TENM2: variants seen among roughly 807,000 people sequenced by gnomAD.
TENM2 encodes teneurin-2.
Under a neutral mutation model 245.2 loss-of-function variants are expected in TENM2, and 52 were observed. The ratio of observed to expected loss-of-function variants is 0.21; its 90% CI spans 0.17 to 0.27. The LOEUF (loss-of-function observed/expected upper bound fraction) is 0.27. TENM2 is among the 10% of genes least tolerant of loss of function. The probability of loss-of-function intolerance (pLI) is 1.00; values close to 1 mark genes in which losing one functional copy is unlikely to be tolerated. For missense variants in TENM2, 3,046 were observed against 3,666.8 expected (o/e 0.83, Z 4.37); for synonymous variants, 1,363 against 1,438.9 (o/e 0.95, Z 1.19).
At chr5:167,234,500 C>G in the TENM2 span, among the ~76,000 whole-genome samples, 1 of 152,164 alleles carries the variant, frequency 6.6e-6, no homozygotes, top group Non-Finnish European at 1.5e-5. Flanking sequence ...GAACCACATA[C>G]TATTTTGAAG....
At chr5:167,149,560 G>A in the TENM2 span, among the ~76,000 whole-genome samples, 1 of 151,912 alleles carries the variant, frequency 6.6e-6, no homozygotes, top group Non-Finnish European at 1.5e-5. Flanking sequence ...TAATACTCTA[G>A]CAACACAGAC....
intron 2 of TENM2, among the ~76,000 whole-genome samples, chr5:167,791,423 A>AATATATTAT (rs1561785286): frequency 7.3e-6 from 1 of 137,320 alleles, no homozygotes; most frequent in East Asian, 2.1e-4. Flanking sequence ...TGAAATATAT[A>AATATATTAT]ATATATTATA....
the TENM2 span, among the ~76,000 whole-genome samples, chr5:167,160,434 G>A: frequency 1.3e-5 from 2 of 152,210 alleles, no homozygotes; most frequent in Non-Finnish European, 2.9e-5. Flanking sequence ...CTTCCAACAA[G>A]ATGAAGGAAG....
At chr5:167,461,375 A>G (rs1766279664) in intron 2 of TENM2, among the ~76,000 whole-genome samples, 2 of 152,132 alleles carry the variant, frequency 1.3e-5, no homozygotes, top group Admixed American at 1.3e-4. Context: ...TCCATGTACT[A>G]GATGGCCTCA....
intron 1 of TENM2, among the ~76,000 whole-genome samples, chr5:167,329,019 T>C (rs1474919978): frequency 6.6e-6 from 1 of 152,172 alleles, no homozygotes; most frequent in Non-Finnish European, 1.5e-5. Flanking sequence ...TGACAATAGT[T>C]GGAGAAAGGA....
chr5:167,815,755 G>T lies in TENM2; in HGVS notation c.503-60231G>T, dbSNP rs114972252. ...TCTTGGAAAAGGGTGGGAGAGTCAG[G>T]GGGATGGTTCATGTGGGAGAATGAG... On this transcript the variant is annotated intron_variant, in intron 2 of 28. Coordinates refer to ENST00000518659, the Ensembl canonical transcript of TENM2. 6.0e-3 allele frequency among the ~76,000 whole-genome samples: 902 copies of T among 151,488 alleles called. 11 individuals carry two copies. The highest frequency in any genetic ancestry group is 0.021 in the African/African-American group (865 of 41,532).
At chr5:167,162,099 G>A in the TENM2 span, among the ~76,000 whole-genome samples, 3 of 151,510 alleles carry the variant, frequency 2.0e-5, no homozygotes, top group Non-Finnish European at 4.4e-5. Flanking sequence ...CCAGGAGGCA[G>A]AGGCTGCAGC....
At chr5:167,877,568 T>C (rs1773532423) in intron 3 of TENM2, among the ~76,000 whole-genome samples, 1 of 152,212 alleles carries the variant, frequency 6.6e-6, no homozygotes, top group Non-Finnish European at 1.5e-5. Context: ...GTGATTGGTT[T>C]ATCATTTGGA....
intron 2 of TENM2, among the ~76,000 whole-genome samples, chr5:167,726,385 C>G (rs1435920253): frequency 6.6e-6 from 1 of 152,052 alleles, no homozygotes; most frequent in Non-Finnish European, 1.5e-5. Context: ...TATCATGGAG[C>G]TAAAGTTTAG....
At chr5:167,097,233 T>A in the TENM2 span, among the ~76,000 whole-genome samples, 5 of 152,174 alleles carry the variant, frequency 3.3e-5, no homozygotes, top group African/African-American at 1.2e-4. Flanking sequence ...TCGAGTGCAT[T>A]CTGTGCGGGT....
chr5:168,224,874 G>C (rs1441789358), intron 23 of TENM2, among the ~76,000 whole-genome samples: 2 of 152,190 alleles, frequency 1.3e-5, no homozygotes, highest in Non-Finnish European at 2.9e-5. Context: ...TTCCTTTCCT[G>C]GGTGTGAGAA....
the TENM2 span, among the ~76,000 whole-genome samples, chr5:166,982,161 G>T: frequency 1.3e-5 from 2 of 152,054 alleles, no homozygotes; most frequent in African/African-American, 4.8e-5. Context: ...ACTTAACTGG[G>T]GAGAAGGTAA....
chr5:168,235,493 T>C (rs910145479), intron 25 of TENM2, among the ~76,000 whole-genome samples: 11 of 152,174 alleles, frequency 7.2e-5, no homozygotes, highest in African/African-American at 1.7e-4. Flanking sequence ...AGCAAGGAGA[T>C]AATAATCCAA....
intron 10 of TENM2, among the ~76,000 whole-genome samples, chr5:168,123,151 T>G (rs1177073557): frequency 6.8e-6 from 1 of 146,812 alleles, no homozygotes; most frequent in Non-Finnish European, 1.5e-5. Flanking sequence ...AAAAAAAACA[T>G]AGCTGGACAT....
chr5:167,290,741 G>C (rs1011610588), intron 1 of TENM2, among the ~76,000 whole-genome samples: 16 of 149,846 alleles, frequency 1.1e-4, no homozygotes, highest in Non-Finnish European at 2.1e-4. Flanking sequence ...CACTGTAAGA[G>C]AGTTGCTAGT....
intron 2 of TENM2, among the ~76,000 whole-genome samples, chr5:167,798,426 G>A (rs1392891011): frequency 3.3e-5 from 5 of 152,208 alleles, no homozygotes; most frequent in Non-Finnish European, 7.3e-5. Flanking sequence ...ACAAGAGGAA[G>A]AAGACGAGAA....
intron 2 of TENM2, among the ~76,000 whole-genome samples, chr5:167,458,660 A>C (rs1766086248): frequency 2.6e-5 from 4 of 152,208 alleles, no homozygotes; most frequent in Admixed American, 2.6e-4. Flanking sequence ...AAAAACACTG[A>C]TAATAACAAA....
At chr5:167,434,412 CAAAAAAAAA>C (rs61683445) in intron 2 of TENM2, among the ~76,000 whole-genome samples, 2 of 74,480 alleles carry the variant, frequency 2.7e-5, no homozygotes, top group Admixed American at 1.9e-4. Flanking sequence ...GACTCTATCT[CAAAAAAAAA>C]AAAAAAAAAA....
chr5:168,049,675 G>A (rs1303150129), intron 6 of TENM2, among the ~76,000 whole-genome samples: 2 of 152,112 alleles, frequency 1.3e-5, no homozygotes, highest in African/African-American at 4.8e-5. Context: ...TTGTGTCTTT[G>A]GAAAGACCAG....
Sources: allele counts gnomAD v4.1 joint callset (sites outside exome capture counted in the v4.1 genomes callset), GRCh38; gene constraint gnomAD v4.1.1; transcripts MANE v1.5; gene names NCBI Gene and HGNC (gene_info 2026-07-23, HGNC 2026-07-21).